The following DAB1 variants were observed in gnomAD, a reference collection of about 807,000 sequenced individuals.
DAB1 encodes the protein disabled homolog 1.
DAB1 carries 15 observed loss-of-function variants against 64.6 expected under a neutral mutation model. The observed-to-expected ratio is 0.23, with a 90% CI of 0.16 to 0.36. The LOEUF (loss-of-function observed/expected upper bound fraction) is 0.36, where lower values mean the gene tolerates loss of function less well. Among genes scored for constraint, DAB1 ranks in the 10% least tolerant of loss-of-function variants. The probability of loss-of-function intolerance (pLI) is 1.00; values close to 1 mark genes in which losing one functional copy is unlikely to be tolerated. For missense variants in DAB1, 596 were observed against 706.7 expected, an observed-to-expected ratio of 0.84 and a Z score of 1.78; for synonymous variants, 235 against 251.9, an observed-to-expected ratio of 0.93 and a Z score of 0.64.
At chr1:58,493,559 T>C (rs1645738966) in intron 3 of DAB1, among the ~76,000 whole-genome samples, 2 of 151,376 alleles carry the variant, frequency 1.3e-5, no homozygotes, top group Admixed American at 1.3e-4. Flanking sequence ...GATAAGCAAC[T>C]TCAGCAAAGT....
At chr1:58,333,884 C>A (rs1182125741) in intron 4 of DAB1, among the ~76,000 whole-genome samples, 1 of 152,172 alleles carries the variant, frequency 6.6e-6, no homozygotes, top group Non-Finnish European at 1.5e-5. Context: ...ACCTCTAAAC[C>A]ATGGTGATAT....
intron 1 of DAB1, among the ~76,000 whole-genome samples, chr1:57,404,765 T>C (rs1683501685): frequency 6.6e-6 from 1 of 152,204 alleles, no homozygotes; most frequent in Non-Finnish European, 1.5e-5. Flanking sequence ...ACTAGAAGTT[T>C]TCATATTCTG....
chr1:58,071,363 G>GGTGTGT (rs548977353), intron 5 of DAB1, among the ~76,000 whole-genome samples: 5,883 of 135,696 alleles, frequency 0.043, 140 homozygotes, highest in East Asian at 0.061. Flanking sequence ...AAAGGAGAAT[G>GGTGTGT]GTGTGTGTGT....
rs772551630 is a variant in DAB1, at chr1:57,033,623, T to C, written c.724-7580A>G. 19 of 1,538,574 alleles carry C rather than the reference T, an allele frequency of 1.2e-5. No individual in the cohort carries two copies. In the African/African-American group the frequency reaches 2.5e-4, roughly 20 times the overall value. ...GAGGATGAAGTGAATGACACACAAA[T>C]GACATGGATTTATGAGTTTAATGAT... On this transcript the variant is annotated intron_variant, in intron 9 of 14. Transcript: ENST00000371236.
chr1:57,035,795 T>G (rs1647123149), intron 9 of DAB1, among the ~76,000 whole-genome samples: 1 of 151,718 alleles, frequency 6.6e-6, no homozygotes, highest in Admixed American at 6.6e-5. Flanking sequence ...TATTATTATC[T>G]TCTCCTATTT....
intron 3 of DAB1, among the ~76,000 whole-genome samples, chr1:58,442,736 T>C (rs948431949): frequency 9.9e-5 from 15 of 152,138 alleles, no homozygotes; most frequent in Non-Finnish European, 1.5e-4. Flanking sequence ...AATGGGAATA[T>C]GGGCCTGGCA....
intron 1 of DAB1, among the ~76,000 whole-genome samples, chr1:58,531,696 A>T (rs1413775773): frequency 1.6e-5 from 2 of 128,248 alleles, no homozygotes; most frequent in Non-Finnish European, 3.3e-5. Context: ...GTGTGTTTTG[A>T]AAAACAATTA....
intron 3 of DAB1, among the ~76,000 whole-genome samples, chr1:58,364,952 G>C (rs1644203399): frequency 6.6e-6 from 1 of 152,148 alleles, no homozygotes; most frequent in Non-Finnish European, 1.5e-5. Flanking sequence ...TCTGGTTGCT[G>C]TCATTTTCCA....
At chr1:58,125,356 C>A (rs1227651811) in intron 5 of DAB1, among the ~76,000 whole-genome samples, 1 of 151,848 alleles carries the variant, frequency 6.6e-6, no homozygotes, top group Non-Finnish European at 1.5e-5. Context: ...TCCTTTCATT[C>A]ATTTAAGAAA....
At chr1:57,292,719 CAG>C (rs1672874434) in intron 1 of DAB1, among the ~76,000 whole-genome samples, 2 of 151,998 alleles carry the variant, frequency 1.3e-5, no homozygotes, top group African/African-American at 4.8e-5. Context: ...TTCATGTTAA[CAG>C]ACATTTACCA....
intron 2 of DAB1, among the ~76,000 whole-genome samples, chr1:57,182,139 C>A (rs1262943084): frequency 6.6e-6 from 1 of 152,174 alleles, no homozygotes; most frequent in East Asian, 1.9e-4. Context: ...CCCGCCTTGG[C>A]CTCCCAAATT....
chr1:58,371,302 C>T (rs1201406017), intron 3 of DAB1, among the ~76,000 whole-genome samples: 2 of 152,120 alleles, frequency 1.3e-5, no homozygotes, highest in Admixed American at 1.3e-4. Flanking sequence ...ATCTGTGGAA[C>T]TTTGAACTTG....
intron 4 of DAB1, among the ~76,000 whole-genome samples, chr1:58,162,034 C>T (rs1048383972): frequency 1.4e-4 from 21 of 152,014 alleles, no homozygotes; most frequent in African/African-American, 5.1e-4. Context: ...ACAATAGGTA[C>T]AGAGGGGCTG....
intron 4 of DAB1, among the ~76,000 whole-genome samples, chr1:58,275,445 T>C (rs926391691): frequency 6.6e-6 from 1 of 152,126 alleles, no homozygotes; most frequent in Non-Finnish European, 1.5e-5. Flanking sequence ...GAGTTTAATA[T>C]TCAGAATATA....
intron 3 of DAB1, among the ~76,000 whole-genome samples, chr1:58,441,097 A>T (rs1645003251): frequency 6.6e-6 from 1 of 152,204 alleles, no homozygotes; most frequent in African/African-American, 2.4e-5. Context: ...GGGCCTGCAC[A>T]TTGACAAAGA....
intron 9 of DAB1, chr1:57,033,656 T>A: frequency 7.4e-7 from 1 of 1,352,844 alleles, no homozygotes; most frequent in Non-Finnish European, 1.0e-6. Flanking sequence ...GATGACAGTA[T>A]CTATGGTTCA....
chr1:57,521,481 C>T (rs1644526039), intron 7 of DAB1, among the ~76,000 whole-genome samples: 1 of 152,036 alleles, frequency 6.6e-6, no homozygotes, highest in African/African-American at 2.4e-5. Flanking sequence ...ATATTCATCT[C>T]ATGCTGAAAG....
At chr1:57,444,366 T>C (rs1686059741) in intron 7 of DAB1, among the ~76,000 whole-genome samples, 1 of 152,182 alleles carries the variant, frequency 6.6e-6, no homozygotes, top group African/African-American at 2.4e-5. Flanking sequence ...ATTTTACAGT[T>C]ATGTCTTGGC....
At chr1:57,650,823 A>C (rs1436098651) in intron 6 of DAB1, among the ~76,000 whole-genome samples, 1 of 152,134 alleles carries the variant, frequency 6.6e-6, no homozygotes, top group Admixed American at 6.5e-5. Context: ...ATAACACTGC[A>C]CTGGAATTAT....
Sources: allele counts gnomAD v4.1 joint callset (sites outside exome capture counted in the v4.1 genomes callset), GRCh38; gene constraint gnomAD v4.1.1; transcripts MANE v1.5; gene names NCBI Gene and HGNC (gene_info 2026-07-23, HGNC 2026-07-21).